The following RAPGEF6 variants were observed in gnomAD, a reference collection of about 807,000 sequenced individuals.
RAPGEF6 encodes PDZ domain containing guanine nucleotide exchange factor (GEF) 2.
In RAPGEF6, 56 loss-of-function variants were observed where a neutral mutation model predicts 171.4. The observed-to-expected ratio is 0.33, with a 90% CI of 0.26 to 0.41. RAPGEF6 has a LOEUF of 0.41. Ranked by LOEUF, RAPGEF6 falls within the 10% of genes least tolerant of loss-of-function variation. The pLI is 1.00. For synonymous variants in RAPGEF6, 692 were observed against 650.1 expected (o/e 1.06, Z -0.98); for missense variants, 1,674 against 1,921.4 (o/e 0.87, Z 2.41).
In RAPGEF6 at chr5:131,429,009, A is replaced by C; in HGVS notation, c.4673T>G (p.Leu1558Arg). The C allele has an allele frequency of 6.2e-7, 1 of 1,614,190 alleles. No individual in the cohort carries two copies. Among genetic ancestry groups the C allele is most frequent in the Non-Finnish European group, 8.5e-7 (1 of 1,180,018 alleles). Residue 1558 changes from leucine (L) to arginine (R), a missense_variant, in exon 27 of 28, where the codon CTC becomes CGC. This residue lies in a region of RAPGEF6 where 552 missense variants were observed against 574.2 expected (regional missense o/e 0.96). Coordinates refer to ENST00000509018, the MANE Select transcript of RAPGEF6 (RefSeq NM_016340.6). ...AATCTTCGATGGAACACAGGCCACG[A>C]GGTTGCTACTGAGAGAAGCTGGTGG... The part of the protein sequence containing the change: ...RLPPASLSSN[L>R]VACVPSKIVT...
intron 17 of RAPGEF6, among the ~76,000 whole-genome samples, chr5:131,468,331 CAAAAAAAAAA>C (rs397760383): frequency 2.2e-5 from 1 of 46,082 alleles, no homozygotes; most frequent in Non-Finnish European, 4.7e-5. Flanking sequence ...GACTCCATCT[CAAAAAAAAAA>C]AAAAAAAAAA....
chr5:131,552,181 A>G (rs1460856951), intron 5 of RAPGEF6, among the ~76,000 whole-genome samples: 1 of 151,938 alleles, frequency 6.6e-6, no homozygotes, highest in Non-Finnish European at 1.5e-5. Flanking sequence ...CCTACTCATA[A>G]AGCTCATCCC....
intron 24 of RAPGEF6, 120 bp from the exon 25 acceptor site, chr5:131,433,778 T>C: frequency 1.3e-6 from 1 of 758,302 alleles, no homozygotes; most frequent in South Asian, 1.9e-5. Flanking sequence ...GTAGAAGCAA[T>C]TTTAGTTTCC....
At chr5:131,448,861 G>T (rs1014904884) in intron 21 of RAPGEF6, among the ~76,000 whole-genome samples, 2 of 151,978 alleles carry the variant, frequency 1.3e-5, no homozygotes, top group African/African-American at 4.8e-5. Context: ...GTAATGCCAG[G>T]TATCAATTTC....
intron 19 of RAPGEF6, among the ~76,000 whole-genome samples, chr5:131,460,810 A>G (rs1260546577): frequency 6.6e-6 from 1 of 152,164 alleles, no homozygotes; most frequent in Admixed American, 6.5e-5. Context: ...CAGGGTCATG[A>G]ATAAAGAGTC....
rs187992240 is a variant in RAPGEF6, at chr5:131,606,731, C to T, written c.70-2038G>A. 2.0e-3 allele frequency among the ~76,000 whole-genome samples: 304 copies of T among 152,238 alleles called. 1 individual carries two copies. The highest frequency in any genetic ancestry group is 6.9e-3 in the African/African-American group (288 of 41,532). On this transcript the variant is annotated intron_variant, in intron 1 of 27. Coordinates refer to ENST00000509018, the MANE Select transcript of RAPGEF6 (RefSeq NM_016340.6). ...GTGACTTGTTCTGACCAAAAGAATA[C>T]GATAGAAGTGAGGTTGTATAAAAGA...
intron 6 of RAPGEF6, among the ~76,000 whole-genome samples, chr5:131,547,712 T>C (rs180907962): frequency 4.6e-4 from 70 of 152,018 alleles, no homozygotes; most frequent in African/African-American, 1.6e-3. Context: ...GGTTTCACCA[T>C]ATTGGCCAGG....
At chr5:131,446,873 A>T in intron 21 of RAPGEF6, 170 bp from the exon 22 acceptor site, 1 of 636,016 alleles carries the variant, frequency 1.6e-6, no homozygotes, top group Middle Eastern at 4.4e-4. Flanking sequence ...TGACGTTCTG[A>T]ATTAAGAACA....
At chr5:131,521,879 ACACACACACACACT>A (rs1389406950) in intron 6 of RAPGEF6, among the ~76,000 whole-genome samples, 172 of 124,970 alleles carry the variant, frequency 1.4e-3, no homozygotes, top group African/African-American at 5.2e-3. Context: ...ACACACACAC[ACACACACACACACT>A]CTCTCTCTCT....
At chr5:131,526,003 A>C (rs1304927410) in intron 6 of RAPGEF6, among the ~76,000 whole-genome samples, 1 of 152,224 alleles carries the variant, frequency 6.6e-6, no homozygotes, top group Non-Finnish European at 1.5e-5. Flanking sequence ...CATACACTCA[A>C]GTAAGCAGTA....
chr5:131,588,194 T>C (rs942004907), intron 4 of RAPGEF6, among the ~76,000 whole-genome samples: 2 of 152,090 alleles, frequency 1.3e-5, no homozygotes, highest in African/African-American at 4.8e-5. Flanking sequence ...TTTGGAGGCT[T>C]AGTGTACAAA....
rs113956076 is a variant in RAPGEF6, at chr5:131,468,427, T to C, written c.2240-4146A>G. ...TAGGTAAATAAATTAAATAGAAACC[T>C]GATATCTAGACTTTCAATCAGAGAT... is the stretch of plus-strand genomic sequence containing the variant. On this transcript the variant is annotated intron_variant, in intron 17 of 27. Coordinates refer to ENST00000509018, the MANE Select transcript of RAPGEF6 (RefSeq NM_016340.6). Among the ~76,000 whole-genome samples, 1,459 of 151,992 alleles carry C rather than the reference T, an allele frequency of 9.6e-3. 28 individuals are homozygous for C. The highest frequency in any genetic ancestry group is 0.033 in the African/African-American group (1,388 of 41,468).
intron 8 of RAPGEF6, 97 bp from the exon 9 acceptor site, chr5:131,508,304 CTT>C: frequency 8.1e-7 from 1 of 1,239,362 alleles, no homozygotes; most frequent in Non-Finnish European, 1.1e-6. Context: ...TCACAATCAA[CTT>C]ATAAATTTAT....
chr5:131,442,650 A>G (rs1360126276), intron 22 of RAPGEF6, 113 bp from the exon 23 acceptor site: 3 of 1,429,176 alleles, frequency 2.1e-6, no homozygotes. Context: ...AAAAGATAAA[A>G]TAGATTAATT....
At chr5:131,532,082 G>A (rs1399920681) in intron 6 of RAPGEF6, 1 of 431,072 alleles carries the variant, frequency 2.3e-6, no homozygotes, top group Non-Finnish European at 4.5e-6. Flanking sequence ...CAATTGCTAA[G>A]AAAATAACAA....
intron 15 of RAPGEF6, among the ~76,000 whole-genome samples, chr5:131,484,038 G>A (rs942506558): frequency 1.0e-4 from 15 of 148,536 alleles, no homozygotes; most frequent in African/African-American, 3.7e-4. Context: ...GGAGCTTGCA[G>A]CGAGTGGAGA....
chr5:131,504,301 A>C (rs1757206236), intron 11 of RAPGEF6, among the ~76,000 whole-genome samples: 1 of 152,052 alleles, frequency 6.6e-6, no homozygotes, highest in Non-Finnish European at 1.5e-5. Context: ...GCCTCTACTA[A>C]AAGTACAAAA....
intron 1 of RAPGEF6, among the ~76,000 whole-genome samples, chr5:131,608,918 A>G (rs1764773620): frequency 1.3e-5 from 2 of 152,038 alleles, no homozygotes; most frequent in Admixed American, 1.3e-4. Context: ...CTACAGGCAC[A>G]TGCACACAAC....
Position 131,472,614 on chromosome 5 carries a change from T to C in RAPGEF6, c.2212A>G (p.Ser738Gly). 6.2e-7 allele frequency: 1 copy of C among 1,614,096 alleles called. No individual in the cohort carries two copies. Among genetic ancestry groups the C allele is most frequent in the Non-Finnish European group, 8.5e-7 (1 of 1,179,948 alleles). ...GAAGGATTGGAAAAATCCAACATAC[T>C]GGTGGTAGGCTGCAGGAGATCAGGG... ...SSPDLLQPTT[S>G]MLDFSNPSDI... The change falls in exon 17 of 28, where the codon AGT becomes GGT. Residue 738 changes from serine to glycine, a missense_variant. Physicochemically the swap from Ser to Gly is moderately conservative, Grantham distance 56 (BLOSUM62 0). Transcript: ENST00000509018.
Sources: allele counts gnomAD v4.1 joint callset (sites outside exome capture counted in the v4.1 genomes callset), GRCh38; gene constraint gnomAD v4.1.1; regional missense constraint gnomAD v4.1.1; transcripts MANE v1.5; gene names NCBI Gene and HGNC (gene_info 2026-07-23, HGNC 2026-07-21).